DGKB: variants seen among roughly 807,000 people sequenced by gnomAD.
The protein encoded by DGKB is diacylglycerol kinase beta.
DGKB carries 67 observed loss-of-function variants against 114.3 expected under a neutral mutation model. The observed-to-expected ratio is 0.59, with a 90% CI of 0.48 to 0.72. DGKB has a LOEUF of 0.72. Ranked by LOEUF, DGKB falls within the 30% of genes least tolerant of loss-of-function variation. DGKB has a pLI of 0.00. For synonymous variants in DGKB, 398 were observed against 323.1 expected (o/e 1.23, Z -2.49); for missense variants, 907 against 975.2 (o/e 0.93, Z 0.93).
chr7:14,719,023 G>C (rs1828704342), intron 5 of DGKB: 1 of 182,346 alleles, frequency 5.5e-6, no homozygotes, highest in South Asian at 2.0e-4. Flanking sequence ...GGTAGTGACA[G>C]CTATAAATCA....
chr7:14,962,031 T>C (rs1048091437), intron 1 of DGKB, among the ~76,000 whole-genome samples: 17 of 152,158 alleles, frequency 1.1e-4, no homozygotes, highest in South Asian at 2.1e-4. Context: ...TATTTACGAA[T>C]TCTTTAAAAT....
intron 2 of DGKB, among the ~76,000 whole-genome samples, chr7:14,775,688 G>A (rs1017646580): frequency 6.6e-6 from 1 of 151,962 alleles, no homozygotes; most frequent in African/African-American, 2.4e-5. Flanking sequence ...AGAAGGATGT[G>A]TTTGATTCTT....
At chr7:14,936,278 G>C (rs780138485) in intron 1 of DGKB, among the ~76,000 whole-genome samples, 43 of 152,102 alleles carry the variant, frequency 2.8e-4, no homozygotes, top group Non-Finnish European at 5.4e-4. Flanking sequence ...TAGAAGTATT[G>C]CATTTGAATG....
intron 21 of DGKB, among the ~76,000 whole-genome samples, chr7:14,477,185 T>C (rs185309479): frequency 4.6e-5 from 7 of 152,332 alleles, no homozygotes; most frequent in Non-Finnish European, 7.3e-5. Context: ...GAAATAGTTT[T>C]TAACAGCATT....
chr7:14,465,288 A>G (rs1469175721), intron 21 of DGKB, among the ~76,000 whole-genome samples: 9 of 149,672 alleles, frequency 6.0e-5, no homozygotes, highest in Non-Finnish European at 1.3e-4. Flanking sequence ...ACATTATAGA[A>G]CTATAATAAA....
intron 21 of DGKB, among the ~76,000 whole-genome samples, chr7:14,473,111 C>T (rs924056698): frequency 4.6e-5 from 7 of 152,130 alleles, no homozygotes; most frequent in African/African-American, 1.7e-4. Context: ...AAAATGTCTC[C>T]AGGGCATGTC....
chr7:14,747,630 A>G (rs1049271293), intron 4 of DGKB, among the ~76,000 whole-genome samples: 3 of 152,162 alleles, frequency 2.0e-5, no homozygotes, highest in African/African-American at 7.2e-5. Flanking sequence ...CAGCATTAGA[A>G]TTGCTTTTTG....
At chr7:14,403,766 A>G (rs571936695) in intron 21 of DGKB, among the ~76,000 whole-genome samples, 1 of 152,060 alleles carries the variant, frequency 6.6e-6, no homozygotes, top group South Asian at 2.1e-4. Flanking sequence ...TTTTTCAAAA[A>G]TCCTTTGATG....
intron 21 of DGKB, among the ~76,000 whole-genome samples, chr7:14,429,894 T>G (rs1370486758): frequency 6.6e-6 from 1 of 151,094 alleles, no homozygotes; most frequent in Non-Finnish European, 1.5e-5. Flanking sequence ...GCCACTGGAC[T>G]CCAGCCTGGG....
intron 25 of DGKB, among the ~76,000 whole-genome samples, chr7:14,151,175 A>G (rs1782138672): frequency 6.6e-6 from 1 of 152,114 alleles, no homozygotes; most frequent in Admixed American, 6.6e-5. Context: ...TAAGAGCTAA[A>G]GTAAGAAGGT....
chr7:14,554,593 AAT>A (rs544843108), intron 20 of DGKB, among the ~76,000 whole-genome samples: 423 of 152,212 alleles, frequency 2.8e-3, no homozygotes, highest in African/African-American at 9.4e-3. Flanking sequence ...CACATAATAA[AAT>A]ATTTTAATTT....
At chr7:14,727,308 G>A (rs183765665) in intron 5 of DGKB, among the ~76,000 whole-genome samples, 68 of 152,218 alleles carry the variant, frequency 4.5e-4, no homozygotes, top group African/African-American at 1.4e-3. Flanking sequence ...ACCATTTAAT[G>A]ATTAAAGGAG....
At chr7:14,657,511 AAAG>A (rs1415107290) in intron 13 of DGKB, among the ~76,000 whole-genome samples, 1 of 151,956 alleles carries the variant, frequency 6.6e-6, no homozygotes, top group African/African-American at 2.4e-5. Context: ...TTTCAACAAA[AAAG>A]AACGTTGCAT....
intron 6 of DGKB, among the ~76,000 whole-genome samples, chr7:14,710,440 C>G (rs1274167296): frequency 6.6e-6 from 1 of 152,022 alleles, no homozygotes; most frequent in Non-Finnish European, 1.5e-5. Context: ...CTATAATAAA[C>G]AATGAATTTC....
At chr7:14,316,042 A>G (rs959807141) in intron 23 of DGKB, among the ~76,000 whole-genome samples, 38 of 150,184 alleles carry the variant, frequency 2.5e-4, no homozygotes, top group Non-Finnish European at 4.7e-4. Context: ...TGTTGGGTAC[A>G]TAACGAAATG....
Position 14,466,267 on chromosome 7 carries a change from G to A in DGKB, c.1835+11894C>T, listed in dbSNP as rs570722983. Among the ~76,000 whole-genome samples the A allele has an allele frequency of 1.1e-3, 172 of 152,232 alleles. 1 individual carries two copies. The highest frequency in any genetic ancestry group is 4.0e-3 in the African/African-American group (167 of 41,550). On this transcript the variant is annotated intron_variant, in intron 21 of 25. Transcript: ENST00000402815. ...AGAGCTTTGGACCATACTTAAAATAGCAACATTAAGGCCAGGTGTGGTGGC... is the reference window on the plus strand; with the variant it reads ...AGAGCTTTGGACCATACTTAAAATAACAACATTAAGGCCAGGTGTGGTGGC...
intron 23 of DGKB, among the ~76,000 whole-genome samples, chr7:14,189,843 C>A (rs1784045391): frequency 6.6e-6 from 1 of 152,016 alleles, no homozygotes; most frequent in Non-Finnish European, 1.5e-5. Context: ...GGGATCAATT[C>A]AACAAGAGGA....
chr7:14,913,013 T>G (rs528457652), intron 1 of DGKB, among the ~76,000 whole-genome samples: 3 of 152,278 alleles, frequency 2.0e-5, no homozygotes, highest in South Asian at 4.1e-4. Flanking sequence ...TTCAACTTTC[T>G]TTCTCATAGA....
intron 12 of DGKB, among the ~76,000 whole-genome samples, chr7:14,675,660 G>A (rs555737539): frequency 2.4e-4 from 36 of 151,794 alleles, no homozygotes; most frequent in Non-Finnish European, 4.4e-4. Flanking sequence ...CCTGAGTTTT[G>A]TCTAGGCGGT....
Sources: allele counts gnomAD v4.1 joint callset (sites outside exome capture counted in the v4.1 genomes callset), GRCh38; gene constraint gnomAD v4.1.1; transcripts MANE v1.5; gene names NCBI Gene and HGNC (gene_info 2026-07-23, HGNC 2026-07-21).